Variants in PCDHGA1 observed in about 807,000 individuals in gnomAD.
PCDHGA1 encodes protocadherin gamma subfamily A, 1.
PCDHGA1 carries 32 observed loss-of-function variants against 58.0 expected under a neutral mutation model. The observed-to-expected ratio is 0.55, with a 90% confidence interval of 0.42 to 0.74. The LOEUF (loss-of-function observed/expected upper bound fraction) is 0.74, where lower values mean the gene tolerates loss of function less well. Ranked by LOEUF, PCDHGA1 falls within the 30% of genes least tolerant of loss-of-function variation. The pLI is 0.00. For synonymous variants in PCDHGA1, 498 were observed against 501.1 expected, an observed-to-expected ratio of 0.99 and a Z score of 0.08; for missense variants, 1,205 against 1,182.3, an observed-to-expected ratio of 1.02 and a Z score of -0.28.
intron 2 of PCDHGA1, among the ~76,000 whole-genome samples, chr5:141,502,165 T>C (rs1017904375): frequency 1.8e-4 from 28 of 152,196 alleles, no homozygotes; most frequent in African/African-American, 6.3e-4. Context: ...AGATATTCAG[T>C]TGAGGAATTT....
chr5:141,420,857 C>T (rs1342820721), intron 1 of PCDHGA1, among the ~76,000 whole-genome samples: 1 of 152,220 alleles, frequency 6.6e-6, no homozygotes, highest in Non-Finnish European at 1.5e-5. Context: ...AAAGTTTTAA[C>T]GTCACATAAT....
intron 3 of PCDHGA1, chr5:141,508,363 A>G (rs996562348): frequency 1.3e-5 from 2 of 152,230 alleles, no homozygotes; most frequent in Non-Finnish European, 2.9e-5. Flanking sequence ...TGGCAATCCA[A>G]CTTCTTCCCC....
intron 2 of PCDHGA1, 143 bp from the exon 3 acceptor site, chr5:141,505,250 T>C: frequency 2.8e-6 from 4 of 1,439,476 alleles, no homozygotes; most frequent in Non-Finnish European, 9.3e-7. Flanking sequence ...ATTGTAGAAG[T>C]GCCTCCTACC....
chr5:141,444,589 C>A (rs1198742574), intron 1 of PCDHGA1, among the ~76,000 whole-genome samples: 1 of 152,068 alleles, frequency 6.6e-6, no homozygotes, highest in Non-Finnish European at 1.5e-5. Context: ...TTTCTACTTA[C>A]CTTATTTAAA....
intron 1 of PCDHGA1, chr5:141,385,590 CT>C: frequency 8.0e-7 from 1 of 1,252,846 alleles, no homozygotes; most frequent in Non-Finnish European, 1.0e-6. Flanking sequence ...ATGTTCCAAC[CT>C]ACTTTCTTAA....
intron 1 of PCDHGA1, chr5:141,365,484 C>G: frequency 1.2e-6 from 2 of 1,613,994 alleles, no homozygotes; most frequent in Non-Finnish European, 1.7e-6. Flanking sequence ...ATTGCATGCT[C>G]TATTCCTAGG....
At chr5:141,454,685 C>A (rs1305853379) in intron 1 of PCDHGA1, among the ~76,000 whole-genome samples, 1 of 151,844 alleles carries the variant, frequency 6.6e-6, no homozygotes, top group Non-Finnish European at 1.5e-5. Context: ...GGATTACAGG[C>A]ATGAGCCACC....
At chr5:141,359,129 T>C (rs796480856) in intron 1 of PCDHGA1, among the ~76,000 whole-genome samples, 1 of 152,294 alleles carries the variant, frequency 6.6e-6, no homozygotes, top group African/African-American at 2.4e-5. Context: ...GTGCAATACA[T>C]AGAGTAAGCT....
At chr5:141,413,118 G>A (rs999214227) in intron 1 of PCDHGA1, 4 of 1,517,034 alleles carry the variant, frequency 2.6e-6, no homozygotes, top group Admixed American at 4.3e-5. Flanking sequence ...CAAAGGAACC[G>A]GTTGAAACAC....
rs149553852 is a variant in PCDHGA1 at position 141,415,009 on chromosome 5, C to G, written c.2422-79798C>G. 3.1e-6 allele frequency: 5 copies of G among 1,613,544 alleles called. No homozygotes were observed. The East Asian group carries it at 1.1e-4, about 36-fold the overall frequency. On this transcript the variant is annotated intron_variant, in intron 1 of 3. Transcript: ENST00000517417. The stretch of plus-strand genomic sequence containing the variant: ...CCAGAACGCCTGGCTGTCCTACCGT[C>G]TGCTCAAGGCCAGCGAGCCGGGACT...
At chr5:141,352,507 T>A (rs1428856687) in intron 1 of PCDHGA1, 1 of 1,614,016 alleles carries the variant, frequency 6.2e-7, no homozygotes. Flanking sequence ...ATTCCTACAA[T>A]CTATGTATTG....
chr5:141,481,509 T>C (rs2154578624), intron 1 of PCDHGA1, among the ~76,000 whole-genome samples: 2 of 152,326 alleles, frequency 1.3e-5, no homozygotes, highest in Middle Eastern at 3.4e-3. Context: ...GTATGTGAAT[T>C]ATGTCTCAGT....
At chr5:141,500,877 A>C (rs2099803156) in intron 2 of PCDHGA1, among the ~76,000 whole-genome samples, 1 of 122,292 alleles carries the variant, frequency 8.2e-6, no homozygotes, top group African/African-American at 3.9e-5. Flanking sequence ...TTCATTTACA[A>C]TTTTTTTTTT....
intron 1 of PCDHGA1, chr5:141,365,861 A>T (rs755321974): frequency 3.1e-6 from 5 of 1,613,912 alleles, no homozygotes; most frequent in Non-Finnish European, 4.2e-6. Context: ...TAACTCTGAC[A>T]CCGGTGTCCT....
At chr5:141,460,331 A>T (rs537463160) in intron 1 of PCDHGA1, among the ~76,000 whole-genome samples, 3 of 152,212 alleles carry the variant, frequency 2.0e-5, no homozygotes, top group African/African-American at 7.2e-5. Flanking sequence ...AAAACTTATG[A>T]TGATTTTCTC....
intron 1 of PCDHGA1, among the ~76,000 whole-genome samples, chr5:141,456,876 T>C (rs188356008): frequency 1.5e-3 from 222 of 152,196 alleles, no homozygotes; most frequent in African/African-American, 5.2e-3. Flanking sequence ...GGCAGGAGAA[T>C]CGCTTGAACC....
chr5:141,428,757 G>T (rs1216855355), intron 1 of PCDHGA1: 1 of 154,176 alleles, frequency 6.5e-6, no homozygotes, highest in Non-Finnish European at 1.4e-5. Context: ...CTTCAGGTTT[G>T]TTTGCCCACT....
intron 1 of PCDHGA1, chr5:141,388,729 G>A (rs1407038729): frequency 6.2e-7 from 1 of 1,614,012 alleles, no homozygotes; most frequent in Non-Finnish European, 8.5e-7. Flanking sequence ...TTCTCTTTCA[G>A]TGAAGCTAGC....
chr5:141,419,735 G>T (rs1013306543), intron 1 of PCDHGA1: 1 of 1,613,806 alleles, frequency 6.2e-7, no homozygotes, highest in Non-Finnish European at 8.5e-7. Context: ...AACAGGCGAG[G>T]TGCGCATGGT....
Sources: allele counts gnomAD v4.1 joint callset (sites outside exome capture counted in the v4.1 genomes callset), GRCh38; gene constraint gnomAD v4.1.1; transcripts MANE v1.5; gene names NCBI Gene and HGNC (gene_info 2026-07-23, HGNC 2026-07-21).